Variants in CTNND1 observed in about 807,000 individuals in gnomAD.
CTNND1 encodes catenin delta-1.
A neutral mutation model predicts 112.1 loss-of-function variants in CTNND1; 16 were observed. The observed-to-expected ratio is 0.14, with a 90% CI of 0.10 to 0.22. The LOEUF is 0.22. CTNND1 is among the 10% of genes least tolerant of loss of function. The pLI is 1.00. For missense variants in CTNND1, 1,008 were observed against 1,257.0 expected (o/e 0.80, Z 3.00); for synonymous variants, 420 against 446.5 (o/e 0.94, Z 0.75).
chr11:57,764,689 G>A (rs1950663314), intron 1 of CTNND1, among the ~76,000 whole-genome samples: 1 of 152,082 alleles, frequency 6.6e-6, no homozygotes, highest in African/African-American at 2.4e-5. Flanking sequence ...AGAAGCTGAG[G>A]TTTGGTGAAA....
chr11:57,806,579 G>T (rs991796131), intron 11 of CTNND1, 101 bp downstream of exon 11: 2 of 1,092,926 alleles, frequency 1.8e-6, no homozygotes, highest in Admixed American at 2.2e-5. Context: ...GTCTATGCAT[G>T]TAGGAAAGTT....
At chr11:57,797,662 G>A (rs1274583035) in intron 6 of CTNND1, among the ~76,000 whole-genome samples, 1 of 148,466 alleles carries the variant, frequency 6.7e-6, no homozygotes, top group Non-Finnish European at 1.5e-5. Flanking sequence ...GACCAACATG[G>A]AGAAACCCCG....
intron 1 of CTNND1, among the ~76,000 whole-genome samples, chr11:57,776,190 G>A (rs1208499667): frequency 6.6e-6 from 1 of 152,156 alleles, no homozygotes; most frequent in African/African-American, 2.4e-5. Context: ...CTACTGACCA[G>A]TCAATTGTAT....
intron 1 of CTNND1, among the ~76,000 whole-genome samples, chr11:57,779,465 C>T (rs2059346081): frequency 6.6e-6 from 1 of 152,186 alleles, no homozygotes; most frequent in African/African-American, 2.4e-5. Context: ...GATTGGATGG[C>T]TGAGTCCTTA....
rs2060345177 is a variant in CTNND1 at position 57,788,358 on chromosome 11, C to T, written c.-213-679C>T. On this transcript the variant is annotated intron_variant, in intron 1 of 20. Transcript: ENST00000399050. This position sits in a 1 kb window ranked among gnomAD's most constrained non-coding sequence, Gnocchi z 4.1. The stretch of plus-strand genomic sequence containing the variant: ...GATAGGCGATTATGGGAACTTCGAG[C>T]TGGGGTAGGAGGAATTTAGGGAAGG... Among the ~76,000 whole-genome samples the T allele has an allele frequency of 6.6e-6, 1 of 152,090 alleles. No homozygotes were observed. Among genetic ancestry groups the T allele is most frequent in the African/African-American group, 2.4e-5 (1 of 41,420 alleles).
intron 4 of CTNND1, among the ~76,000 whole-genome samples, chr11:57,795,116 C>T (rs914520726): frequency 2.0e-5 from 3 of 152,156 alleles, no homozygotes; most frequent in Non-Finnish European, 4.4e-5. Context: ...ATTGCTTGAG[C>T]CTGGGAGGTT....
At chr11:57,768,680 A>G (rs962470598) in intron 1 of CTNND1, among the ~76,000 whole-genome samples, 1 of 152,034 alleles carries the variant, frequency 6.6e-6, no homozygotes, top group Admixed American at 6.5e-5. Flanking sequence ...GGCGTGAGCC[A>G]CCAAGCCCAG....
chr11:57,770,567 C>G (rs947068189), intron 1 of CTNND1, among the ~76,000 whole-genome samples: 3 of 151,662 alleles, frequency 2.0e-5, no homozygotes, highest in Non-Finnish European at 2.9e-5. Context: ...GCAGAAGAAT[C>G]CCTTGAACCC....
chr11:57,815,374 A>AC lies in CTNND1; in HGVS notation c.2702-19dup. On this transcript the variant is annotated intron_variant, in intron 18 of 20. Transcript: ENST00000399050. ...AGAGGGGAATGTCATATTTCTGTGT[A>AC]CTTTTTTTTTTTTAACCAGATAACA... 2 of 1,310,352 alleles carry AC rather than the reference A, an allele frequency of 1.5e-6. No individual in the cohort carries two copies. The highest frequency in any genetic ancestry group is 2.1e-6 in the Non-Finnish European group (2 of 934,070). 81.2% of individuals were successfully genotyped at this position (1,310,352 alleles called of 1,614,324 possible).
chr11:57,782,967 A>G (rs900687416), intron 1 of CTNND1, among the ~76,000 whole-genome samples: 1 of 152,242 alleles, frequency 6.6e-6, no homozygotes, highest in Non-Finnish European at 1.5e-5. Context: ...AGTGAGAAAT[A>G]CTAGAACTGT....
intron 1 of CTNND1, among the ~76,000 whole-genome samples, chr11:57,762,516 CTT>C (rs1017160931): frequency 1.3e-5 from 2 of 151,836 alleles, no homozygotes; most frequent in African/African-American, 4.8e-5. Flanking sequence ...ATGTTTAAAA[CTT>C]TTTTTTTCTT....
chr11:57,794,436 A>C (rs1387636872), intron 4 of CTNND1, among the ~76,000 whole-genome samples: 2 of 152,204 alleles, frequency 1.3e-5, no homozygotes, highest in African/African-American at 4.8e-5. Flanking sequence ...CTGAAGAGTA[A>C]CATAAAGCCA....
At chr11:57,789,955 A>G (rs2060516331) in intron 2 of CTNND1, among the ~76,000 whole-genome samples, 3 of 152,158 alleles carry the variant, frequency 2.0e-5, no homozygotes, top group South Asian at 2.1e-4. Flanking sequence ...GCTTTTTTAC[A>G]TGTAGAGTTT....
At chr11:57,785,900 T>C (rs965867604) in intron 1 of CTNND1, among the ~76,000 whole-genome samples, 1 of 152,082 alleles carries the variant, frequency 6.6e-6, no homozygotes, top group Admixed American at 6.6e-5. Context: ...ACTGTCTAGT[T>C]GTTTGGTCCT....
chr11:57,810,334 T>G (rs1366519247), intron 16 of CTNND1, 111 bp downstream of exon 16: 1 of 758,938 alleles, frequency 1.3e-6, no homozygotes. Flanking sequence ...ACCTATTTTT[T>G]TTTTCTTTTT....
chr11:57,784,985 T>C (rs1299218770), intron 1 of CTNND1, among the ~76,000 whole-genome samples: 1 of 152,186 alleles, frequency 6.6e-6, no homozygotes, highest in Non-Finnish European at 1.5e-5. Flanking sequence ...TGAAGAGTAA[T>C]AGAAATGGAA....
intron 3 of CTNND1, among the ~76,000 whole-genome samples, chr11:57,792,532 C>A (rs748158743): frequency 5.9e-5 from 9 of 152,068 alleles, no homozygotes; most frequent in Admixed American, 2.6e-4. Context: ...GTACTCATGC[C>A]CTGATAGTCC....
rs2062768357 is a variant in CTNND1 at position 57,807,104 on chromosome 11, T to A, written c.1963+121T>A. 5 of 812,414 alleles carry A rather than the reference T, an allele frequency of 6.2e-6. 1 individual carries two copies. The South Asian group carries it at 6.7e-5, about 11-fold the overall frequency. The allele number at this position is 812,414 out of a possible 1,614,324, so 50.3% of individuals were successfully genotyped here. On this transcript the variant is annotated intron_variant, in intron 12 of 20. Coordinates refer to ENST00000399050, the MANE Select transcript of CTNND1 (RefSeq NM_001085458.2). ...TGTCCTCTCTTTTCCAACTTACAGA[T>A]TTGAAATGATTGTGAAAGTATTGGG...
At chr11:57,778,781 G>T (rs1219572412) in intron 1 of CTNND1, among the ~76,000 whole-genome samples, 1 of 152,212 alleles carries the variant, frequency 6.6e-6, no homozygotes, top group Non-Finnish European at 1.5e-5. Context: ...AAAGCTGGGA[G>T]TGGGGGAACA....
Sources: allele counts gnomAD v4.1 joint callset (sites outside exome capture counted in the v4.1 genomes callset), GRCh38; gene constraint gnomAD v4.1.1; non-coding constraint Gnocchi (gnomAD v3.1); transcripts MANE v1.5; gene names NCBI Gene and HGNC (gene_info 2026-07-23, HGNC 2026-07-21).